Variants in PPP3CB observed in about 807,000 individuals in gnomAD.
PPP3CB encodes protein phosphatase 3 catalytic subunit beta, also known as serine/threonine-protein phosphatase 2B catalytic subunit beta isoform.
PPP3CB carries 8 observed loss-of-function variants against 66.4 expected under a neutral mutation model. That is an observed-to-expected ratio of 0.12 (90% CI 0.07 to 0.22). PPP3CB has a LOEUF of 0.22. Among genes scored for constraint, PPP3CB ranks in the 10% least tolerant of loss-of-function variants. The probability of loss-of-function intolerance (pLI) is 1.00; values close to 1 mark genes in which losing one functional copy is unlikely to be tolerated. For synonymous variants in PPP3CB, 208 were observed against 221.2 expected (o/e 0.94, Z 0.53); for missense variants, 319 against 642.5 (o/e 0.50, Z 5.44).
intron 10 of PPP3CB, 44 bp from the exon 11 acceptor site, chr10:73,446,617 G>A (rs550924411): frequency 1.9e-6 from 3 of 1,538,686 alleles, no homozygotes; most frequent in Non-Finnish European, 1.8e-6. Context: ...CAAGTTTAGG[G>A]CATGCATGCT....
intron 8 of PPP3CB, 110 bp from the exon 9 acceptor site, chr10:73,467,788 C>T (rs1349815582): frequency 6.8e-6 from 7 of 1,035,076 alleles, no homozygotes; most frequent in Admixed American, 2.9e-5. Flanking sequence ...GAAGGGAGAT[C>T]GGGGGTGAGT....
chr10:73,461,483 T>C (rs529110705), intron 9 of PPP3CB, among the ~76,000 whole-genome samples: 1 of 152,312 alleles, frequency 6.6e-6, no homozygotes, highest in Admixed American at 6.5e-5. Flanking sequence ...GACTGCCTGC[T>C]GGGTTTCAGA....
intron 9 of PPP3CB, among the ~76,000 whole-genome samples, chr10:73,463,423 TCTAGCCCTAACCTAA>T (rs2056564290): frequency 6.6e-6 from 1 of 152,232 alleles, no homozygotes; most frequent in African/African-American, 2.4e-5. Context: ...ATCCTCATGA[TCTAGCCCTAACCTAA>T]CTTTTCATTC....
intron 12 of PPP3CB, among the ~76,000 whole-genome samples, chr10:73,443,286 C>CAGACAGACAGAAAGAA (rs1441809416): frequency 6.9e-5 from 8 of 115,706 alleles, no homozygotes; most frequent in African/African-American, 2.7e-4. Flanking sequence ...GAAAGAAAGA[C>CAGACAGACAGAAAGAA]AGAAAGAAAG....
At chr10:73,483,328 A>T (rs928429302) in intron 1 of PPP3CB, among the ~76,000 whole-genome samples, 1 of 152,206 alleles carries the variant, frequency 6.6e-6, no homozygotes, top group African/African-American at 2.4e-5. Context: ...CAATGTTACC[A>T]TAACACTGAA....
intron 9 of PPP3CB, among the ~76,000 whole-genome samples, chr10:73,459,707 A>G (rs181469601): frequency 4.8e-4 from 73 of 152,354 alleles, no homozygotes; most frequent in African/African-American, 1.7e-3. Flanking sequence ...CAGTCACAAA[A>G]GAGCACACAC....
chr10:73,441,004 T>C (rs1228772615), intron 12 of PPP3CB, among the ~76,000 whole-genome samples: 3 of 152,220 alleles, frequency 2.0e-5, no homozygotes, highest in Non-Finnish European at 2.9e-5. Flanking sequence ...ATATTGTCCA[T>C]TCCCCTTATT....
At chr10:73,446,060 T>G in intron 11 of PPP3CB, among the ~76,000 whole-genome samples, 1 of 151,892 alleles carries the variant, frequency 6.6e-6, no homozygotes, top group Non-Finnish European at 1.5e-5. Flanking sequence ...CCTAAGTAAC[T>G]TCTTTATAGG....
intron 1 of PPP3CB, among the ~76,000 whole-genome samples, chr10:73,490,726 T>TTCCCTC (rs1214953314): frequency 5.9e-5 from 9 of 152,162 alleles, no homozygotes; most frequent in Non-Finnish European, 1.2e-4. Context: ...TACCATAGTG[T>TTCCCTC]TCCCTCTCCC....
chr10:73,479,153 A>G (rs959135815), intron 2 of PPP3CB, among the ~76,000 whole-genome samples, 164 bp downstream of exon 2: 2 of 152,240 alleles, frequency 1.3e-5, no homozygotes, highest in African/African-American at 4.8e-5. Flanking sequence ...CTATTCACTG[A>G]AAACAGGCAA....
chr10:73,483,251 G>C (rs779296358), intron 1 of PPP3CB, among the ~76,000 whole-genome samples: 24 of 152,214 alleles, frequency 1.6e-4, no homozygotes, highest in Non-Finnish European at 2.8e-4. Context: ...TTTAAAATGT[G>C]TACAGGTTGA....
At chr10:73,446,666 C>T in intron 10 of PPP3CB, 93 bp from the exon 11 acceptor site, 1 of 1,197,438 alleles carries the variant, frequency 8.4e-7, no homozygotes, top group South Asian at 1.2e-5. Context: ...TCATCTAAAC[C>T]AGTACCAAGA....
chr10:73,462,256 TCAAG>T (rs1056554529), intron 9 of PPP3CB, among the ~76,000 whole-genome samples: 3 of 147,578 alleles, frequency 2.0e-5, no homozygotes, highest in African/African-American at 7.5e-5. Flanking sequence ...ACTCCTAGGC[TCAAG>T]CAATCCTTTC....
chr10:73,448,567 G>A, intron 10 of PPP3CB: 2 of 525,808 alleles, frequency 3.8e-6, no homozygotes, highest in Non-Finnish European at 7.8e-6. Context: ...AGAGGACTCT[G>A]CATAGACATT....
At chr10:73,475,631 T>G (rs978701124) in intron 3 of PPP3CB, among the ~76,000 whole-genome samples, 8 of 152,250 alleles carry the variant, frequency 5.3e-5, no homozygotes, top group African/African-American at 1.2e-4. Flanking sequence ...TTTGTTTCAT[T>G]GATTATGAAT....
chr10:73,462,975 A>G (rs978069860), intron 9 of PPP3CB, among the ~76,000 whole-genome samples: 47 of 147,116 alleles, frequency 3.2e-4, no homozygotes, highest in African/African-American at 8.9e-4. Flanking sequence ...AAAAAAAAAA[A>G]AAAGGAAGAA....
At position 73,446,539 on chromosome 10, in the gene PPP3CB, G is replaced by A. The variant is rs1230703622; in HGVS notation, c.1221C>T (p.Asn407=). ...SAAARKEIIR[N]KIRAIGKMAR... ...CCATCTTGCCAATTGCTCGAATTTT[G>A]TTTCTTATGATTTCTTTCCGGGCTG... is the stretch of plus-strand genomic sequence containing the variant. Residue 407 remains asparagine, a synonymous_variant, in exon 11 of 14, where the codon AAC becomes AAT. Transcript: ENST00000360663. 2.5e-6 allele frequency: 4 copies of A among 1,613,734 alleles called. No homozygotes were observed. Among genetic ancestry groups the A allele is most frequent in the Non-Finnish European group, 3.4e-6 (4 of 1,179,818 alleles).
intron 1 of PPP3CB, among the ~76,000 whole-genome samples, chr10:73,483,606 G>A (rs761038438): frequency 6.6e-5 from 10 of 152,078 alleles, no homozygotes; most frequent in African/African-American, 2.2e-4. Context: ...GCAGTGGGCC[G>A]AGATCATGCC....
intron 9 of PPP3CB, among the ~76,000 whole-genome samples, chr10:73,454,951 C>T (rs574831084): frequency 6.6e-6 from 1 of 151,956 alleles, no homozygotes; most frequent in African/African-American, 2.4e-5. Flanking sequence ...CGGCTCACTG[C>T]AACCTCTGCC....
Sources: gnomAD v4.1 joint callset for allele counts (sites outside exome capture counted in the v4.1 genomes callset) on GRCh38, gnomAD v4.1.1 for gene constraint, MANE v1.5 for transcripts, NCBI Gene and HGNC (gene_info 2026-07-23, HGNC 2026-07-21) for gene names.